Variants in TRPC5 observed in about 807,000 individuals in gnomAD.
TRPC5 encodes short transient receptor potential channel 5.
TRPC5 carries 9 observed loss-of-function variants against 56.5 expected under a neutral mutation model. That is an observed-to-expected ratio of 0.16 (90% CI 0.10 to 0.28). The LOEUF is 0.28. Ranked by LOEUF, TRPC5 falls within the 10% of genes least tolerant of loss-of-function variation. The pLI, the probability that TRPC5 is intolerant of heterozygous loss-of-function variation, is 1.00. For synonymous variants in TRPC5, 282 were observed against 278.5 expected (o/e 1.01, Z -0.13); for missense variants, 469 against 748.9 (o/e 0.63, Z 4.36).
intron 3 of TRPC5, among the ~76,000 whole-genome samples, chrX:111,906,412 A>C (rs1317082387): frequency 9.0e-6 from 1 of 111,282 alleles, no homozygotes; most frequent in Non-Finnish European, 1.9e-5. Flanking sequence ...GAACGCGTGT[A>C]AATACACATA....
At chrX:111,893,191 C>T (rs751845141) in intron 3 of TRPC5, among the ~76,000 whole-genome samples, 1 of 109,737 alleles carries the variant, frequency 9.1e-6, no homozygotes, top group Non-Finnish European at 1.9e-5. Flanking sequence ...TTTTCCCTCT[C>T]AGAAAGCTGA....
chrX:111,908,155 T>TA (rs1426546797), intron 3 of TRPC5, among the ~76,000 whole-genome samples: 1 of 112,029 alleles, frequency 8.9e-6, no homozygotes, highest in Non-Finnish European at 1.9e-5. Context: ...CACATATTTT[T>TA]AAAAAACTCT....
chrX:112,016,708 C>A, intron 1 of TRPC5, among the ~76,000 whole-genome samples: 1 of 111,888 alleles, frequency 8.9e-6, no homozygotes, highest in Non-Finnish European at 1.9e-5. Context: ...TGTGCATGCA[C>A]CCATGTGTGC....
chrX:111,985,135 C>T (rs1391643720), intron 1 of TRPC5, among the ~76,000 whole-genome samples: 4 of 112,320 alleles, frequency 3.6e-5, no homozygotes, highest in Non-Finnish European at 7.5e-5. Context: ...TTACTATTTT[C>T]TGAAGTAGAG....
intron 1 of TRPC5, among the ~76,000 whole-genome samples, chrX:111,996,902 G>T (rs1162181903): frequency 1.8e-5 from 2 of 111,250 alleles, no homozygotes; most frequent in Non-Finnish European, 3.8e-5. Flanking sequence ...CTCTTTGCAT[G>T]TGAGATGGGT....
At chrX:112,028,648 G>A (rs950959031) in intron 1 of TRPC5, among the ~76,000 whole-genome samples, 1 of 112,123 alleles carries the variant, frequency 8.9e-6, no homozygotes, top group Admixed American at 9.4e-5. Flanking sequence ...GTGTATATGT[G>A]CCACATTTTC....
At chrX:111,956,062 G>A (rs769431778) in intron 1 of TRPC5, among the ~76,000 whole-genome samples, 1 of 112,644 alleles carries the variant, frequency 8.9e-6, no homozygotes, top group Admixed American at 9.4e-5. Context: ...AATAGAATCT[G>A]TGACATTTGT....
intron 1 of TRPC5, among the ~76,000 whole-genome samples, chrX:111,988,014 A>T (rs184888477): frequency 8.9e-6 from 1 of 112,836 alleles, no homozygotes; most frequent in Non-Finnish European, 1.9e-5. Flanking sequence ...AAGTTGACAC[A>T]TAAAATTAAC....
intron 1 of TRPC5, among the ~76,000 whole-genome samples, chrX:111,977,196 C>T (rs185316497): frequency 9.0e-5 from 10 of 111,266 alleles, no homozygotes; most frequent in Non-Finnish European, 7.6e-5. Context: ...CAGTCTTGTG[C>T]AAAAGGATAA....
intron 2 of TRPC5, among the ~76,000 whole-genome samples, chrX:111,950,149 C>T (rs867546494): frequency 4.6e-4 from 51 of 110,556 alleles, no homozygotes; most frequent in African/African-American, 1.6e-3. Flanking sequence ...ACAGTGAAAC[C>T]CTGTCTCTAC....
At chrX:112,066,512 T>C (rs1400961350) in intron 1 of TRPC5, among the ~76,000 whole-genome samples, 1 of 111,735 alleles carries the variant, frequency 8.9e-6, no homozygotes, top group Non-Finnish European at 1.9e-5. Context: ...TGAATGTAAG[T>C]TGTCAGGAAG....
intron 1 of TRPC5, among the ~76,000 whole-genome samples, chrX:111,975,829 G>A (rs1927909602): frequency 8.9e-6 from 1 of 112,085 alleles, no homozygotes; most frequent in Non-Finnish European, 1.9e-5. Flanking sequence ...GAGCAAAGCG[G>A]AGAGGCGGAG....
Position 111,913,742 on chromosome X carries a change from T to C in TRPC5, c.379-930A>G, listed in dbSNP as rs768169910. Among the ~76,000 whole-genome samples the C allele has an allele frequency of 1.4e-4, 16 of 110,955 alleles. No individual in the cohort carries two copies. In the South Asian group the frequency reaches 3.1e-3, roughly 21 times the overall value. On this transcript the variant is annotated intron_variant, in intron 2 of 10. Transcript: ENST00000262839. ...TTGGGAGGCCGAGGCGAGCGGATCA[T>C]GAGGTCAAGAGATAGAGACCATCCT...
intron 7 of TRPC5, among the ~76,000 whole-genome samples, chrX:111,797,122 G>A (rs1027259329): frequency 8.9e-6 from 1 of 111,766 alleles, no homozygotes; most frequent in Non-Finnish European, 1.9e-5. Context: ...ATTCCATGAA[G>A]GCTTTCATTT....
Position 112,020,554 on chromosome X carries a change from A to G in TRPC5, c.-22+61325T>C, listed in dbSNP as rs142679198. Among the ~76,000 whole-genome samples the G allele has an allele frequency of 5.4e-4, 61 of 112,343 alleles. No individual in the cohort carries two copies. In the East Asian group the frequency reaches 0.016, roughly 29 times the overall value. ...ATTCTTAGGCCTGAATGTAAAAAAC[A>G]CACACAGTTTGTTTCTCCAGTGTTG... is the stretch of plus-strand genomic sequence containing the variant. On this transcript the variant is annotated intron_variant, in intron 1 of 10. Coordinates refer to ENST00000262839, the MANE Select transcript of TRPC5 (RefSeq NM_012471.3).
intron 6 of TRPC5, among the ~76,000 whole-genome samples, chrX:111,835,526 C>T (rs1440924788): frequency 1.8e-5 from 2 of 111,930 alleles, no homozygotes; most frequent in African/African-American, 6.5e-5. Context: ...TGGTGGCTCA[C>T]GCTTGTAATC....
chrX:111,888,693 C>CAA (rs753735549), intron 3 of TRPC5, among the ~76,000 whole-genome samples: 166 of 10,922 alleles, frequency 0.015, 11 homozygotes, highest in African/African-American at 0.029. Flanking sequence ...GACTCTATCT[C>CAA]AAAAAAAAAA....
At chrX:111,967,062 T>C (rs1927610645) in intron 1 of TRPC5, among the ~76,000 whole-genome samples, 1 of 111,799 alleles carries the variant, frequency 8.9e-6, no homozygotes, top group Admixed American at 9.5e-5. Flanking sequence ...GATGACATGA[T>C]TGTATATCTA....
chrX:111,952,162 C>T lies in TRPC5; in HGVS notation c.259G>A (p.Glu87Lys), dbSNP rs1416706712. The T allele has an allele frequency of 3.3e-6, 4 of 1,212,236 alleles. No homozygotes were observed. The highest frequency in any genetic ancestry group is 4.5e-6 in the Non-Finnish European group (4 of 895,658). The change falls in exon 2 of 11, where the codon GAG (glutamate) becomes AAG (lysine). Residue 87 changes from glutamate (E) to lysine (K), a missense_variant. Transcript: ENST00000262839. ...AIENENLEIM[E>K]LLLNHSVYVG... ...TACACGCTGTGGTTCAGCAGTAGCT[C>T]CATGATCTCCAGGTTCTCGTTCTCA...
Sources: gnomAD v4.1 joint callset for allele counts (sites outside exome capture counted in the v4.1 genomes callset) on GRCh38, gnomAD v4.1.1 for gene constraint, MANE v1.5 for transcripts, NCBI Gene and HGNC (gene_info 2026-07-23, HGNC 2026-07-21) for gene names.